The following NRG3 variants were observed in gnomAD, a reference collection of about 807,000 sequenced individuals.
NRG3 encodes pro-neuregulin-3, membrane-bound isoform.
In NRG3, 31 loss-of-function variants were observed where a neutral mutation model predicts 66.9. The ratio of observed to expected loss-of-function variants is 0.46; its 90% CI spans 0.35 to 0.63. The LOEUF (loss-of-function observed/expected upper bound fraction) is 0.63. Ranked by LOEUF, NRG3 falls within the 20% of genes least tolerant of loss-of-function variation. The probability of loss-of-function intolerance (pLI) is 0.00; values close to 1 mark genes in which losing one functional copy is unlikely to be tolerated. For missense variants in NRG3, 910 were observed against 878.9 expected, an observed-to-expected ratio of 1.04 and a Z score of -0.45; for synonymous variants, 393 against 359.4, an observed-to-expected ratio of 1.09 and a Z score of -1.06.
chr10:82,354,482 A>C (rs1370201375), intron 1 of NRG3, among the ~76,000 whole-genome samples: 1 of 150,270 alleles, frequency 6.7e-6, no homozygotes, highest in Non-Finnish European at 1.5e-5. Context: ...CCTCCACCTC[A>C]TGGGTTCAAG....
intron 2 of NRG3, among the ~76,000 whole-genome samples, chr10:82,604,187 A>G (rs575932160): frequency 6.6e-6 from 1 of 152,122 alleles, no homozygotes; most frequent in South Asian, 2.1e-4. Context: ...CTTTTGTTCC[A>G]CCTATTCATC....
chr10:82,177,752 T>C (rs2073138718), intron 1 of NRG3, among the ~76,000 whole-genome samples: 1 of 152,204 alleles, frequency 6.6e-6, no homozygotes, highest in African/African-American at 2.4e-5. Context: ...ATTTTCTATT[T>C]TTTTGTAGAG....
At chr10:82,974,984 G>A (rs11196700) in intron 7 of NRG3, among the ~76,000 whole-genome samples, 67,878 of 152,036 alleles carry the variant, frequency 0.45, 16,605 homozygotes, top group Non-Finnish European at 0.57. Flanking sequence ...CATGAGTAGA[G>A]ACTAGAACAC....
rs754228474 is a variant in NRG3 at position 82,968,547 on chromosome 10, AT to A, written c.1285-5240del. 2.6e-4 allele frequency among the ~76,000 whole-genome samples: 40 copies of A among 152,108 alleles called. 1 individual carries two copies. Among genetic ancestry groups the A allele is most frequent in the Admixed American group, 2.3e-3 (35 of 15,272 alleles). ...GAGGTTAATTCTGTTTATGAGTGTT[AT>A]CCGGAATTTTGGACAAGGCCCTCTA... On this transcript the variant is annotated intron_variant, in intron 6 of 8. Coordinates refer to ENST00000372141, the MANE Select transcript of NRG3 (RefSeq NM_001010848.4).
intron 1 of NRG3, chr10:82,232,769 A>G (rs1162029500): frequency 2.8e-6 from 2 of 717,230 alleles, no homozygotes; most frequent in Admixed American, 2.0e-5. Context: ...CATGCCATAC[A>G]TGGCAACATG....
chr10:82,197,992 C>T (rs533503500), intron 1 of NRG3, among the ~76,000 whole-genome samples: 3 of 152,220 alleles, frequency 2.0e-5, no homozygotes, highest in South Asian at 2.1e-4. Context: ...AAAAAGAGAA[C>T]ATTTAATCAC....
intron 4 of NRG3, among the ~76,000 whole-genome samples, chr10:82,882,310 C>T (rs539706087): frequency 3.1e-4 from 47 of 152,282 alleles, no homozygotes; most frequent in Non-Finnish European, 5.3e-4. Context: ...CCAGTCTCAG[C>T]TGGAATTTCA....
intron 1 of NRG3, among the ~76,000 whole-genome samples, chr10:81,911,397 C>G (rs1015702369): frequency 9.9e-5 from 15 of 152,042 alleles, no homozygotes; most frequent in African/African-American, 3.6e-4. Context: ...CCTCCATTTC[C>G]TGGGAATCAC....
At chr10:82,390,944 T>C (rs1217833166) in intron 2 of NRG3, among the ~76,000 whole-genome samples, 1 of 152,076 alleles carries the variant, frequency 6.6e-6, no homozygotes, top group East Asian at 1.9e-4. Context: ...TTGGGAGTAG[T>C]GGTAAAGATG....
chr10:82,542,975 T>C (rs2043645258), intron 2 of NRG3, among the ~76,000 whole-genome samples: 1 of 151,516 alleles, frequency 6.6e-6, no homozygotes, highest in South Asian at 2.1e-4. Flanking sequence ...CACTGCAACC[T>C]CCACCTCCCG....
At chr10:82,449,777 C>G (rs1322779436) in intron 2 of NRG3, among the ~76,000 whole-genome samples, 1 of 152,154 alleles carries the variant, frequency 6.6e-6, no homozygotes, top group African/African-American at 2.4e-5. Flanking sequence ...GCTCCACTTA[C>G]TCCAATCATA....
chr10:82,627,824 C>A (rs1276463707), intron 2 of NRG3, among the ~76,000 whole-genome samples: 1 of 152,216 alleles, frequency 6.6e-6, no homozygotes, highest in Non-Finnish European at 1.5e-5. Context: ...TGTCATCTCT[C>A]TGTAGCTTGA....
rs1164076536 is a variant in NRG3 at position 82,676,492 on chromosome 10, G to GT, written c.954-62077dup. The stretch of plus-strand genomic sequence containing the variant: ...ATTTCTATTTGTGGTTTTTTTGTTT[G>GT]TTTTTTTTCAAGATGGAGTCTCACT... On this transcript the variant is annotated intron_variant, in intron 2 of 8. Transcript: ENST00000372141. Among the ~76,000 whole-genome samples the GT allele has an allele frequency of 4.0e-5, 6 of 151,700 alleles. No individual in the cohort carries two copies. The East Asian group carries it at 5.8e-4, about 15-fold the overall frequency.
chr10:82,036,032 T>G (rs2132944955), intron 1 of NRG3, among the ~76,000 whole-genome samples: 1 of 152,192 alleles, frequency 6.6e-6, no homozygotes, highest in South Asian at 2.1e-4. Context: ...CTACAGCATC[T>G]ACTATTTCTG....
chr10:82,186,274 C>A (rs1232252038), intron 1 of NRG3, among the ~76,000 whole-genome samples: 5 of 152,032 alleles, frequency 3.3e-5, no homozygotes, highest in Admixed American at 6.6e-5. Flanking sequence ...AAGAGGAATC[C>A]AGGGGAAATC....
At chr10:82,566,515 A>G (rs930234797) in intron 2 of NRG3, among the ~76,000 whole-genome samples, 1 of 152,004 alleles carries the variant, frequency 6.6e-6, no homozygotes, top group African/African-American at 2.4e-5. Flanking sequence ...TTAATGGATT[A>G]GTTATCTCTC....
At chr10:82,417,809 T>A (rs2088690539) in intron 2 of NRG3, among the ~76,000 whole-genome samples, 1 of 152,154 alleles carries the variant, frequency 6.6e-6, no homozygotes, top group Admixed American at 6.5e-5. Context: ...GAGAGCGGGC[T>A]CCCAGGCACA....
chr10:82,386,890 C>A (rs992819503), intron 2 of NRG3, among the ~76,000 whole-genome samples: 1 of 152,114 alleles, frequency 6.6e-6, no homozygotes, highest in African/African-American at 2.4e-5. Flanking sequence ...ACCTCCTCCT[C>A]CCGGGTTCAA....
intron 1 of NRG3, among the ~76,000 whole-genome samples, chr10:81,962,325 G>C (rs944159060): frequency 2.0e-5 from 3 of 152,114 alleles, no homozygotes; most frequent in Admixed American, 1.3e-4. Flanking sequence ...CACATTTAGG[G>C]TTGTAATTTC....
Sources: gnomAD v4.1 joint callset for allele counts (sites outside exome capture counted in the v4.1 genomes callset) on GRCh38, gnomAD v4.1.1 for gene constraint, MANE v1.5 for transcripts, NCBI Gene and HGNC (gene_info 2026-07-23, HGNC 2026-07-21) for gene names.